TBC1D22A: variants seen among roughly 807,000 people sequenced by gnomAD.
TBC1D22A encodes the protein TBC1 domain family member 22A.
In TBC1D22A, 38 loss-of-function variants were observed where a neutral mutation model predicts 60.2. That is an observed-to-expected ratio of 0.63 (90% CI 0.49 to 0.83). TBC1D22A has a LOEUF of 0.83. Ranked by LOEUF, TBC1D22A falls within the 40% of genes least tolerant of loss-of-function variation. The pLI is 0.00. For synonymous variants in TBC1D22A, 302 were observed against 281.7 expected (o/e 1.07, Z -0.72); for missense variants, 628 against 701.0 (o/e 0.90, Z 1.18).
chr22:47,002,259 T>C (rs2061431147), intron 10 of TBC1D22A, among the ~76,000 whole-genome samples: 1 of 152,208 alleles, frequency 6.6e-6, no homozygotes, highest in South Asian at 2.1e-4. Context: ...CCTAATGACG[T>C]CCCCTGTACA....
intron 11 of TBC1D22A, among the ~76,000 whole-genome samples, chr22:47,105,456 G>C (rs1033380889): frequency 6.6e-6 from 1 of 152,172 alleles, no homozygotes; most frequent in Non-Finnish European, 1.5e-5. Context: ...TTACCCAGGG[G>C]TATCTGCCAG....
At position 47,134,664 on chromosome 22, in the gene TBC1D22A, G is replaced by A. The variant is rs144351340; in HGVS notation, c.1425+23061G>A. 8.4e-4 allele frequency among the ~76,000 whole-genome samples: 118 copies of A among 140,980 alleles called. 3 individuals carry two copies. The East Asian group carries it at 0.025, about 29-fold the overall frequency. 92.5% of individuals were successfully genotyped at this position (140,980 alleles called of 152,430 possible). On this transcript the variant is annotated intron_variant, in intron 12 of 12. Coordinates refer to ENST00000337137, the MANE Select transcript of TBC1D22A (RefSeq NM_014346.5). ...GACCCTCCCTGCCCCACCCACCCAC[G>A]AGGCTGCGTCCTCTTGTCAAATCTG...
intron 4 of TBC1D22A, among the ~76,000 whole-genome samples, chr22:46,827,867 G>C (rs1305829647): frequency 6.6e-6 from 1 of 152,202 alleles, no homozygotes; most frequent in Admixed American, 6.5e-5. Flanking sequence ...GGGACTGTCT[G>C]TCTCAACCAC....
At chr22:47,122,901 G>A (rs561172505) in intron 12 of TBC1D22A, among the ~76,000 whole-genome samples, 138 of 152,266 alleles carry the variant, frequency 9.1e-4, no homozygotes, top group Non-Finnish European at 1.2e-4. Flanking sequence ...TCCTTAGCTC[G>A]AGCCTTGGCC....
intron 4 of TBC1D22A, among the ~76,000 whole-genome samples, chr22:46,815,908 G>T (rs1327697595): frequency 6.6e-6 from 1 of 152,164 alleles, no homozygotes; most frequent in South Asian, 2.1e-4. Context: ...GGTGAGTGGA[G>T]ATAATCGGCT....
intron 11 of TBC1D22A, among the ~76,000 whole-genome samples, chr22:47,051,538 A>G (rs1235697956): frequency 2.0e-5 from 3 of 152,048 alleles, no homozygotes; most frequent in Admixed American, 6.5e-5. Flanking sequence ...TTTGATCTCA[A>G]AACGCCCTTC....
intron 8 of TBC1D22A, among the ~76,000 whole-genome samples, chr22:46,944,269 A>T (rs147299298): frequency 1.3e-5 from 2 of 151,880 alleles, no homozygotes; most frequent in Non-Finnish European, 2.9e-5. Context: ...TTCTGTTTGT[A>T]TTTCCTGGAT....
intron 9 of TBC1D22A, among the ~76,000 whole-genome samples, chr22:46,981,324 A>G (rs191485823): frequency 6.6e-6 from 1 of 151,742 alleles, no homozygotes; most frequent in Non-Finnish European, 1.5e-5. Context: ...CCTCACAGCA[A>G]CCATAAGGCA....
chr22:46,885,767 A>G lies in TBC1D22A; in HGVS notation c.709-5499A>G, dbSNP rs975041191. ...GAAGGAGCTCTGCGCCTGGCAATCC[A>G]CCAGCACATCCCAGTGAAAGAGGCC... On this transcript the variant is annotated intron_variant, in intron 5 of 12. Transcript: ENST00000337137. Among the ~76,000 whole-genome samples, 12 of 152,194 alleles carry G rather than the reference A, an allele frequency of 7.9e-5. No homozygotes were observed. In the South Asian group the frequency reaches 2.3e-3, roughly 29 times the overall value.
chr22:46,947,420 C>T (rs997520784), intron 8 of TBC1D22A, among the ~76,000 whole-genome samples: 6 of 152,134 alleles, frequency 3.9e-5, no homozygotes, highest in African/African-American at 7.2e-5. Flanking sequence ...TAAAGGTGGA[C>T]GGTTGGACGT....
chr22:47,168,792 C>T (rs1331037823), intron 12 of TBC1D22A, among the ~76,000 whole-genome samples: 1 of 151,978 alleles, frequency 6.6e-6, no homozygotes, highest in Non-Finnish European at 1.5e-5. Context: ...GTGTCCTCCA[C>T]GGATGGCACT....
chr22:47,151,692 C>A (rs974577016), intron 12 of TBC1D22A, among the ~76,000 whole-genome samples: 1 of 152,192 alleles, frequency 6.6e-6, no homozygotes. Flanking sequence ...TCCCCTGAAG[C>A]TCTTTCAGAC....
chr22:46,901,298 C>G (rs1161387644), intron 7 of TBC1D22A, among the ~76,000 whole-genome samples: 1 of 152,224 alleles, frequency 6.6e-6, no homozygotes, highest in Non-Finnish European at 1.5e-5. Context: ...GACCATTGTA[C>G]TGATTCTTCA....
chr22:47,061,178 A>G (rs1253195847), intron 11 of TBC1D22A, among the ~76,000 whole-genome samples: 1 of 151,418 alleles, frequency 6.6e-6, no homozygotes, highest in African/African-American at 2.4e-5. Context: ...GGTCCTGGAA[A>G]GGTTGAGCCA....
At chr22:46,839,216 A>G (rs980261887) in intron 4 of TBC1D22A, among the ~76,000 whole-genome samples, 10 of 152,170 alleles carry the variant, frequency 6.6e-5, no homozygotes, top group Non-Finnish European at 1.3e-4. Flanking sequence ...ACTCTCCAAG[A>G]AACTTAAGAA....
intron 5 of TBC1D22A, among the ~76,000 whole-genome samples, chr22:46,884,818 C>G (rs1430973346): frequency 2.0e-5 from 3 of 152,092 alleles, no homozygotes; most frequent in African/African-American, 7.2e-5. Flanking sequence ...GAGAGGGGCA[C>G]TGAGGCAGGA....
chr22:47,088,770 C>G (rs1603254395), intron 11 of TBC1D22A, among the ~76,000 whole-genome samples: 2 of 152,274 alleles, frequency 1.3e-5, no homozygotes, highest in Admixed American at 6.5e-5. Context: ...ATGGTTCTGC[C>G]TGGTAACACC....
intron 9 of TBC1D22A, among the ~76,000 whole-genome samples, chr22:46,989,991 A>C (rs1416875234): frequency 1.3e-5 from 2 of 152,042 alleles, no homozygotes; most frequent in Non-Finnish European, 2.9e-5. Flanking sequence ...TTGGGTAGAG[A>C]TGGGGTTTTG....
At position 47,119,060 on chromosome 22, in the gene TBC1D22A, A is replaced by G. The variant is rs2066175848; in HGVS notation, c.1425+7457A>G. Among the ~76,000 whole-genome samples the G allele has an allele frequency of 3.3e-5, 5 of 152,274 alleles. No homozygotes were observed. The South Asian group carries it at 1.0e-3, about 32-fold the overall frequency. On this transcript the variant is annotated intron_variant, in intron 12 of 12. Transcript: ENST00000337137. ...GCTACTTGGGAGGCTGAGGCAGGAG[A>G]ATCGTTTGAACCAGGGAGGCAGAGG...
Sources: gnomAD v4.1 joint callset for allele counts (sites outside exome capture counted in the v4.1 genomes callset) on GRCh38, gnomAD v4.1.1 for gene constraint, MANE v1.5 for transcripts, NCBI Gene and HGNC (gene_info 2026-07-23, HGNC 2026-07-21) for gene names.